Variants in SORCS3 observed in about 807,000 individuals in gnomAD.
SORCS3 encodes VPS10 domain-containing receptor SorCS3.
In SORCS3, 57 loss-of-function variants were observed where a neutral mutation model predicts 146.3. The ratio of observed to expected loss-of-function variants is 0.39; its 90% CI spans 0.31 to 0.49. The LOEUF (loss-of-function observed/expected upper bound fraction) is 0.49. Among genes scored for constraint, SORCS3 ranks in the 20% least tolerant of loss-of-function variants. SORCS3 has a pLI of 0.92. For missense variants in SORCS3, 1,341 were observed against 1,575.5 expected (o/e 0.85, Z 2.52); for synonymous variants, 653 against 618.5 (o/e 1.06, Z -0.83).
chr10:105,122,141 A>T lies in SORCS3; in HGVS notation c.1212+16626A>T, dbSNP rs192457724. On this transcript the variant is annotated intron_variant, in intron 7 of 26. Transcript: ENST00000369701. Reference sequence around the variant, plus strand: ...TGCTGTAAAAACAGCAGTGCTGATAATGAGGGAAGTTGGGCTGTTGACTGA... The same window carrying T: ...TGCTGTAAAAACAGCAGTGCTGATATTGAGGGAAGTTGGGCTGTTGACTGA... 1.5e-3 allele frequency among the ~76,000 whole-genome samples: 228 copies of T among 152,316 alleles called. 1 individual carries two copies. The highest frequency in any genetic ancestry group is 6.8e-3 in the Middle Eastern group (2 of 294).
chr10:105,063,713 C>A (rs1037294037), intron 5 of SORCS3, among the ~76,000 whole-genome samples: 1 of 152,210 alleles, frequency 6.6e-6, no homozygotes, highest in Non-Finnish European at 1.5e-5. Flanking sequence ...CACCTTCACA[C>A]TTGGAGCACT....
intron 4 of SORCS3, among the ~76,000 whole-genome samples, chr10:105,040,559 C>T (rs114674029): frequency 0.013 from 1,935 of 152,200 alleles, 24 homozygotes; most frequent in African/African-American, 0.034. Context: ...GAGCTTTAGC[C>T]CTTGCCCCAA....
intron 22 of SORCS3, among the ~76,000 whole-genome samples, chr10:105,250,799 G>A (rs1231529639): frequency 1.3e-5 from 2 of 152,164 alleles, no homozygotes; most frequent in Admixed American, 6.5e-5. Flanking sequence ...CCGTTAAGAG[G>A]ATGCCTCCCT....
At position 104,825,444 on chromosome 10, in the gene SORCS3, C is replaced by T. The variant is rs144740133; in HGVS notation, c.628-17348C>T. Among the ~76,000 whole-genome samples, 281 of 152,304 alleles carry T rather than the reference C, an allele frequency of 1.8e-3. 3 individuals are homozygous for T. The highest frequency in any genetic ancestry group is 6.5e-3 in the African/African-American group (272 of 41,554). ...TTCACTTTTTCTCAAAGAAACAGAT[C>T]ACTTATATTAATATTTTCATTTGTG... is the stretch of plus-strand genomic sequence containing the variant. On this transcript the variant is annotated intron_variant, in intron 1 of 26. Coordinates refer to ENST00000369701, the MANE Select transcript of SORCS3 (RefSeq NM_014978.3).
At position 105,092,170 on chromosome 10, in the gene SORCS3, G is replaced by T. The variant is rs1589628763; in HGVS notation, c.1093+2331G>T. The stretch of plus-strand genomic sequence containing the variant: ...AGAATTCTGGTCCAAATTGGGATGA[G>T]GCCTATGGTGCAGGACTTCCGTGAA... On this transcript the variant is annotated intron_variant, in intron 6 of 26. Coordinates refer to ENST00000369701, the MANE Select transcript of SORCS3 (RefSeq NM_014978.3). Among the ~76,000 whole-genome samples, 3 of 152,304 alleles carry T rather than the reference G, an allele frequency of 2.0e-5. No homozygotes were observed. In the South Asian group the frequency reaches 6.2e-4, roughly 32 times the overall value.
chr10:104,961,612 C>A (rs2054796767), intron 3 of SORCS3, among the ~76,000 whole-genome samples: 1 of 152,158 alleles, frequency 6.6e-6, no homozygotes, highest in African/African-American at 2.4e-5. Flanking sequence ...CTATATCCAA[C>A]TTCTACAAAA....
chr10:104,709,957 A>G (rs1442663104), intron 1 of SORCS3, among the ~76,000 whole-genome samples: 1 of 151,770 alleles, frequency 6.6e-6, no homozygotes, highest in Non-Finnish European at 1.5e-5. Context: ...CCTTCTAGCT[A>G]GAAACTAGTT....
chr10:105,187,338 C>G (rs1327069333), intron 14 of SORCS3, among the ~76,000 whole-genome samples: 1 of 152,146 alleles, frequency 6.6e-6, no homozygotes, highest in Admixed American at 6.6e-5. Context: ...GATCCCCTGC[C>G]TATTTCTATT....
At chr10:104,649,275 G>A (rs1379439715) in intron 1 of SORCS3, among the ~76,000 whole-genome samples, 3 of 152,152 alleles carry the variant, frequency 2.0e-5, no homozygotes, top group Admixed American at 1.3e-4. Context: ...CTTAATAGCT[G>A]TGTGACATTG....
chr10:104,777,218 T>C (rs2491365), intron 1 of SORCS3, among the ~76,000 whole-genome samples: 56,670 of 152,036 alleles, frequency 0.37, 12,140 homozygotes, highest in African/African-American at 0.59. Context: ...TTTAATGTCA[T>C]CATTTTGCAA....
rs1028742635 is a variant in SORCS3, at chr10:104,843,022, T to A, written c.695+163T>A. ...GGAACTGATGGCCCCCACCTGTGAA[T>A]TCCTTTCCTGCTCTGCTTATCTCTT... On this transcript the variant is annotated intron_variant, in intron 2 of 26. Transcript: ENST00000369701. Among the ~76,000 whole-genome samples, 4 of 152,320 alleles carry A rather than the reference T, an allele frequency of 2.6e-5. No individual in the cohort carries two copies. The East Asian group carries it at 7.7e-4, about 29-fold the overall frequency.
rs929295758 is a variant in SORCS3 at position 104,652,913 on chromosome 10, A to G, written c.627+10959A>G. On this transcript the variant is annotated intron_variant, in intron 1 of 26. Coordinates refer to ENST00000369701, the MANE Select transcript of SORCS3 (RefSeq NM_014978.3). ...ACTTACAATTTTGTGTGTGGTAAAC[A>G]TATGTTGGACAGATATTGCAGAGAA... 7.9e-5 allele frequency among the ~76,000 whole-genome samples: 12 copies of G among 152,222 alleles called. No homozygotes were observed. The South Asian group carries it at 8.3e-4, about 11-fold the overall frequency.
intron 4 of SORCS3, among the ~76,000 whole-genome samples, chr10:104,981,372 C>T (rs922671004): frequency 6.6e-6 from 1 of 151,976 alleles, no homozygotes; most frequent in Non-Finnish European, 1.5e-5. Context: ...TATGGTTGAC[C>T]AAATTGGAAA....
At chr10:104,818,527 T>C (rs993239202) in intron 1 of SORCS3, among the ~76,000 whole-genome samples, 1 of 151,874 alleles carries the variant, frequency 6.6e-6, no homozygotes, top group Non-Finnish European at 1.5e-5. Flanking sequence ...AAAGAAGAGA[T>C]ATGAAGAGGG....
intron 7 of SORCS3, among the ~76,000 whole-genome samples, chr10:105,112,975 G>C (rs2055868310): frequency 6.6e-6 from 1 of 152,190 alleles, no homozygotes; most frequent in Non-Finnish European, 1.5e-5. Context: ...CACAAACAAA[G>C]GAGACCAGCC....
intron 6 of SORCS3, among the ~76,000 whole-genome samples, chr10:105,099,463 A>G (rs928265420): frequency 6.6e-6 from 1 of 152,226 alleles, no homozygotes; most frequent in Non-Finnish European, 1.5e-5. Flanking sequence ...AAGGCAAAAC[A>G]TAATCACGGG....
intron 20 of SORCS3, among the ~76,000 whole-genome samples, chr10:105,233,752 TG>T (rs1389752784): frequency 6.6e-6 from 1 of 152,232 alleles, no homozygotes; most frequent in African/African-American, 2.4e-5. Flanking sequence ...TCCTTTTATA[TG>T]GCTGCATAGT....
intron 5 of SORCS3, among the ~76,000 whole-genome samples, chr10:105,061,739 G>A (rs1186989942): frequency 6.6e-6 from 1 of 152,060 alleles, no homozygotes; most frequent in Admixed American, 6.6e-5. Flanking sequence ...TATGGCATGG[G>A]TGGAGAAAGA....
At chr10:104,859,331 T>C (rs1416755892) in intron 2 of SORCS3, among the ~76,000 whole-genome samples, 3 of 152,114 alleles carry the variant, frequency 2.0e-5, no homozygotes, top group African/African-American at 7.2e-5. Context: ...GATTCCCTAT[T>C]TAATAAATGG....
Sources: gnomAD v4.1 joint callset for allele counts (sites outside exome capture counted in the v4.1 genomes callset) on GRCh38, gnomAD v4.1.1 for gene constraint, MANE v1.5 for transcripts, NCBI Gene and HGNC (gene_info 2026-07-23, HGNC 2026-07-21) for gene names.